Variants in DNM2 observed in about 807,000 individuals in gnomAD.
The protein encoded by DNM2 is dynamin 2.
In DNM2, 15 loss-of-function variants were observed where a neutral mutation model predicts 99.0. The observed-to-expected ratio is 0.15, with a 90% confidence interval of 0.10 to 0.23. The LOEUF (loss-of-function observed/expected upper bound fraction) is 0.23, where lower values mean the gene tolerates loss of function less well. Among genes scored for constraint, DNM2 ranks in the 10% least tolerant of loss-of-function variants. The probability of loss-of-function intolerance (pLI) is 1.00; values close to 1 mark genes in which losing one functional copy is unlikely to be tolerated. For synonymous variants in DNM2, 525 were observed against 481.2 expected (o/e 1.09, Z -1.19); for missense variants, 742 against 1,189.4 (o/e 0.62, Z 5.53).
rs1203005749 is a variant in DNM2 at position 10,812,670 on chromosome 19, C to T, written c.1671+293C>T. On this transcript the variant is annotated intron_variant, in intron 15 of 20. Transcript: ENST00000389253. This position sits in a 1 kb window ranked among gnomAD's most constrained non-coding sequence, Gnocchi z 4.0. ...GGAGTGGTGGCACGCGCCTGTAATC[C>T]CAGCTACTCAGGAGGCTGAGGCAGG... is the stretch of plus-strand genomic sequence containing the variant. 6.6e-6 allele frequency among the ~76,000 whole-genome samples: 1 copy of T among 152,130 alleles called. No homozygotes were observed. Among genetic ancestry groups the T allele is most frequent in the Non-Finnish European group, 1.5e-5 (1 of 68,032 alleles).
chr19:10,804,872 G>A lies in DNM2; in HGVS notation c.1494-1044G>A, dbSNP rs571273228. ...ACTTGGACTTTAAAACAAAACCCCC[G>A]AGGTAGTCAGCAAAGGAAGGTGACC... On this transcript the variant is annotated intron_variant, in intron 12 of 20. Transcript: ENST00000389253. Among the ~76,000 whole-genome samples the A allele has an allele frequency of 4.6e-5, 7 of 152,258 alleles. No homozygotes were observed. In the East Asian group the frequency reaches 5.8e-4, roughly 13 times the overall value.
At chr19:10,735,540 G>T (rs2069491912) in intron 1 of DNM2, among the ~76,000 whole-genome samples, 1 of 151,960 alleles carries the variant, frequency 6.6e-6, no homozygotes, top group Non-Finnish European at 1.5e-5. Context: ...TTTTTGGAGA[G>T]TCTCGCTCTG....
chr19:10,742,824 G>T (rs1001913531), intron 1 of DNM2, among the ~76,000 whole-genome samples: 2 of 152,092 alleles, frequency 1.3e-5, no homozygotes, highest in African/African-American at 4.8e-5. Context: ...TGCAAAACAG[G>T]GTTGGCCAGA....
intron 1 of DNM2, among the ~76,000 whole-genome samples, chr19:10,738,870 CAA>C (rs1007919897): frequency 6.2e-4 from 41 of 66,514 alleles, no homozygotes; most frequent in Admixed American, 5.1e-4. Flanking sequence ...AACTCCATCG[CAA>C]AAAAAAAAAA....
At chr19:10,799,163 G>C (rs754337888) in intron 11 of DNM2, among the ~76,000 whole-genome samples, 4 of 152,196 alleles carry the variant, frequency 2.6e-5, no homozygotes, top group Non-Finnish European at 5.9e-5. Flanking sequence ...CAAGATCAAG[G>C]CTTCAGTAAG....
At chr19:10,771,921 A>G (rs774051564) in intron 2 of DNM2, among the ~76,000 whole-genome samples, 49 of 152,050 alleles carry the variant, frequency 3.2e-4, no homozygotes, top group Non-Finnish European at 4.4e-4. Flanking sequence ...TGGGAACGTA[A>G]TCTTCAGGAT....
intron 10 of DNM2, 60 bp downstream of exon 10, chr19:10,797,578 C>T: frequency 6.2e-7 from 1 of 1,612,442 alleles, no homozygotes; most frequent in South Asian, 1.1e-5. Flanking sequence ...ATGTGTTAGT[C>T]TCAACCCGAG....
intron 1 of DNM2, 109 bp downstream of exon 1, chr19:10,718,512 C>T: frequency 4.0e-6 from 5 of 1,247,718 alleles, no homozygotes; most frequent in East Asian, 6.8e-5. Context: ...CTTGCGTGCC[C>T]GCGGCGGGGA....
In DNM2 at chr19:10,799,267, AC is replaced by A. The variant is rs1392118288; in HGVS notation, c.1422+697del. ...CAAAGGAAATCCCCAGGCCCTGGCCACCACCAGCCCGCTCCCTATCCTACAG... is the reference window on the plus strand; with the variant it reads ...CAAAGGAAATCCCCAGGCCCTGGCCACACCAGCCCGCTCCCTATCCTACAG... On this transcript the variant is annotated intron_variant, in intron 11 of 20. Coordinates refer to ENST00000389253, the MANE Select transcript of DNM2 (RefSeq NM_001005361.3). Among the ~76,000 whole-genome samples, 11 of 152,054 alleles carry A rather than the reference AC, an allele frequency of 7.2e-5. No individual in the cohort carries two copies. In the South Asian group the frequency reaches 8.3e-4, roughly 11 times the overall value.
rs981814157 is a variant in DNM2 at position 10,831,078 on chromosome 19, C to T, written c.*31C>T. 1 of 1,576,144 alleles carries T rather than the reference C, an allele frequency of 6.3e-7. No homozygotes were observed. The highest frequency in any genetic ancestry group is 8.6e-7 in the Non-Finnish European group (1 of 1,160,896). ...GAGGGGGGCGTGCTCTCGGGGGGGC[C>T]TCACGCACCCGCGGCGCAGGAGCTT... On this transcript the variant is annotated 3_prime_UTR_variant, in exon 21 of 21. Coordinates refer to ENST00000389253, the MANE Select transcript of DNM2 (RefSeq NM_001005361.3). This position sits in a 1 kb window ranked among gnomAD's most constrained non-coding sequence, Gnocchi z 4.3.
intron 11 of DNM2, among the ~76,000 whole-genome samples, chr19:10,798,853 C>A (rs2072032544): frequency 6.6e-6 from 1 of 152,162 alleles, no homozygotes; most frequent in Admixed American, 6.5e-5. Context: ...GTAACCCTTA[C>A]CTCAATCAAG....
At chr19:10,827,008 T>G (rs1245440041) in intron 18 of DNM2, among the ~76,000 whole-genome samples, 1 of 151,786 alleles carries the variant, frequency 6.6e-6, no homozygotes, top group Non-Finnish European at 1.5e-5. Context: ...CCCAGCACTT[T>G]GGGAGGCTTG....
intron 1 of DNM2, among the ~76,000 whole-genome samples, chr19:10,728,413 T>C (rs111957218): frequency 0.084 from 12,733 of 152,104 alleles, 565 homozygotes; most frequent in Middle Eastern, 0.11. Context: ...ATGGCGGCTT[T>C]GGGTGGGAAG....
intron 11 of DNM2, 50 bp from the exon 12 acceptor site, chr19:10,802,238 C>A: frequency 1.2e-6 from 2 of 1,600,664 alleles, no homozygotes. Context: ...CCGCTGCCCC[C>A]CCTTGCCAGG....
At chr19:10,774,662 G>A (rs1599527465) in intron 3 of DNM2, among the ~76,000 whole-genome samples, 1 of 150,988 alleles carries the variant, frequency 6.6e-6, no homozygotes, top group Non-Finnish European at 1.5e-5. Context: ...CCGACCTCAG[G>A]TGATCGCCTG....
At chr19:10,822,430 A>G (rs373693454) in intron 16 of DNM2, among the ~76,000 whole-genome samples, 1 of 151,786 alleles carries the variant, frequency 6.6e-6, no homozygotes, top group African/African-American at 2.4e-5. Flanking sequence ...AGCTCAAGCA[A>G]TCCCCCTGTC....
chr19:10,747,065 A>T (rs1463672610), intron 1 of DNM2, among the ~76,000 whole-genome samples: 1 of 149,758 alleles, frequency 6.7e-6, no homozygotes, highest in Non-Finnish European at 1.5e-5. Context: ...AGTAGTAGAG[A>T]CAGGGTCTCA....
chr19:10,819,360 G>C (rs2072891293), intron 15 of DNM2, among the ~76,000 whole-genome samples: 1 of 152,212 alleles, frequency 6.6e-6, no homozygotes, highest in African/African-American at 2.4e-5. Flanking sequence ...TGAAATCCCA[G>C]CCCTGCTCCT....
At chr19:10,725,025 G>A (rs760697405) in intron 1 of DNM2, among the ~76,000 whole-genome samples, 1 of 152,240 alleles carries the variant, frequency 6.6e-6, no homozygotes, top group Non-Finnish European at 1.5e-5. Flanking sequence ...GACAGATGGA[G>A]GGGCACGTGA....
Sources: allele counts gnomAD v4.1 joint callset (sites outside exome capture counted in the v4.1 genomes callset), GRCh38; gene constraint gnomAD v4.1.1; non-coding constraint Gnocchi (gnomAD v3.1); transcripts MANE v1.5; gene names NCBI Gene and HGNC (gene_info 2026-07-23, HGNC 2026-07-21).